The following PSPH variants were observed in gnomAD, a reference collection of about 807,000 sequenced individuals.
The protein encoded by PSPH is phosphoserine phosphatase.
In PSPH, 16 loss-of-function variants were observed where a neutral mutation model predicts 23.4. That is an observed-to-expected ratio of 0.68 (90% confidence interval 0.46 to 1.04). The LOEUF (loss-of-function observed/expected upper bound fraction) is 1.04. Ranked by LOEUF, PSPH falls within the 50% of genes least tolerant of loss-of-function variation. The pLI, the probability that PSPH is intolerant of heterozygous loss-of-function variation, is 0.00. For missense variants in PSPH, 223 were observed against 273.7 expected (o/e 0.81, Z 1.31); for synonymous variants, 68 against 99.7 (o/e 0.68, Z 1.89).
intron 3 of PSPH, among the ~76,000 whole-genome samples, chr7:56,026,767 C>T (rs1790245768): frequency 6.6e-6 from 1 of 152,130 alleles, no homozygotes; most frequent in South Asian, 2.1e-4. Context: ...GGTCTATCAG[C>T]AGAGTAGCAG....
Position 56,013,122 on chromosome 7 carries a change from C to CAT in PSPH, c.571-1254_571-1253insAT, listed in dbSNP as rs762645934. Among the ~76,000 whole-genome samples the CAT allele has an allele frequency of 1.2e-4, 16 of 136,460 alleles. No individual in the cohort carries two copies. In the East Asian group the frequency reaches 1.5e-3, roughly 13 times the overall value. 89.5% of individuals were successfully genotyped at this position (136,460 alleles called of 152,430 possible). On this transcript the variant is annotated intron_variant, in intron 7 of 7. Transcript: ENST00000275605. ...ACATATGTGTGTATATATTTATATA[C>CAT]ACACACATATATATACGTATATGTG... is the stretch of plus-strand genomic sequence containing the variant.
intron 3 of PSPH, among the ~76,000 whole-genome samples, chr7:56,025,152 A>G (rs887569356): frequency 3.3e-5 from 5 of 152,074 alleles, no homozygotes; most frequent in Admixed American, 2.0e-4. Flanking sequence ...TACATAATTT[A>G]TGCCCATCAC....
At chr7:56,034,396 A>C (rs1231081970) in intron 1 of PSPH, among the ~76,000 whole-genome samples, 2 of 152,214 alleles carry the variant, frequency 1.3e-5, no homozygotes, top group African/African-American at 2.4e-5. Flanking sequence ...GAGGGAAGCA[A>C]GGGACTGCTG....
Position 56,011,674 on chromosome 7 carries a change from G to A in PSPH, c.*88C>T. ...TTGTACCAACTTTCTATAGCAAGTT[G>A]TAATAGGCAACTGTAAGCAAACAGT... On this transcript the variant is annotated 3_prime_UTR_variant, in exon 8 of 8. Transcript: ENST00000275605. The A allele has an allele frequency of 9.9e-7, 1 of 1,010,266 alleles. No individual in the cohort carries two copies. Among genetic ancestry groups the A allele is most frequent in the Non-Finnish European group, 1.6e-6 (1 of 643,614 alleles). 62.6% of individuals were successfully genotyped at this position (1,010,266 alleles called of 1,614,324 possible).
chr7:56,018,358 C>CA (rs57817279), intron 5 of PSPH, among the ~76,000 whole-genome samples: 76 of 149,954 alleles, frequency 5.1e-4, no homozygotes, highest in Non-Finnish European at 7.0e-4. Context: ...ACAACAACAA[C>CA]AAAAAAAAAA....
intron 3 of PSPH, among the ~76,000 whole-genome samples, chr7:56,024,992 T>C (rs1490804546): frequency 6.6e-6 from 1 of 151,404 alleles, no homozygotes; most frequent in African/African-American, 2.4e-5. Context: ...TTAGTAGAGA[T>C]GGGGTTTCAC....
chr7:56,049,943 C>T (rs1228313220), intron 1 of PSPH, among the ~76,000 whole-genome samples: 2 of 151,904 alleles, frequency 1.3e-5, no homozygotes, highest in Non-Finnish European at 2.9e-5. Context: ...ACCATGTTGG[C>T]CAGGATGGTC....
intron 5 of PSPH, among the ~76,000 whole-genome samples, chr7:56,018,489 A>G (rs1788889604): frequency 6.6e-6 from 1 of 152,156 alleles, no homozygotes; most frequent in East Asian, 1.9e-4. Flanking sequence ...GAGAAAGAGG[A>G]AAGGCAGAAA....
Position 56,039,517 on chromosome 7 carries a change from C to T in PSPH, c.-291-5411G>A, listed in dbSNP as rs573402502. Among the ~76,000 whole-genome samples, 580 of 152,212 alleles carry T rather than the reference C, an allele frequency of 3.8e-3. 9 individuals are homozygous for T. The highest frequency in any genetic ancestry group is 0.013 in the African/African-American group (551 of 41,560). ...TGCTGGCCGGGCACGGTGGCTCACA[C>T]CTGTAATCCCAGCACTTTGGGAGGC... On this transcript the variant is annotated intron_variant, in intron 1 of 7. Transcript: ENST00000275605.
chr7:56,040,982 A>G (rs1017155302), intron 1 of PSPH, among the ~76,000 whole-genome samples: 2 of 152,100 alleles, frequency 1.3e-5, no homozygotes, highest in Admixed American at 6.6e-5. Context: ...TCTTATGGGC[A>G]GAGTTAAGGT....
rs190718949 is a variant in PSPH, at chr7:56,049,068, C to T, written c.-292+2070G>A. Among the ~76,000 whole-genome samples the T allele has an allele frequency of 9.9e-5, 15 of 152,026 alleles. 1 individual carries two copies. The highest frequency in any genetic ancestry group is 2.4e-4 in the African/African-American group (10 of 41,474). On this transcript the variant is annotated intron_variant, in intron 1 of 7. Transcript: ENST00000275605. ...CCCAGTAGCTGGAACTACACGCACC[C>T]GCCACCATGCCCAGCTAATTTTTTT...
At position 56,015,089 on chromosome 7, in the gene PSPH, T is replaced by G. The variant is rs764079935; in HGVS notation, c.504A>C (p.Lys168Asn). ...KGKVIKLLKE[K>N]FHFKKIIMIG... ...TCATGATTATTTTCTTAAAATGAAA[T>G]TTTTCCTTTAAAAGTTTAATCACTT... Residue 168 changes from lysine to asparagine, a missense_variant, in exon 7 of 8, where the codon AAA (lysine) becomes AAC (asparagine). Coordinates refer to ENST00000275605, the MANE Select transcript of PSPH (RefSeq NM_004577.4). 6.2e-7 allele frequency: 1 copy of G among 1,614,080 alleles called. No homozygotes were observed. The highest frequency in any genetic ancestry group is 8.5e-7 in the Non-Finnish European group (1 of 1,179,980).
intron 5 of PSPH, among the ~76,000 whole-genome samples, chr7:56,017,844 T>C (rs1788786840): frequency 6.6e-6 from 1 of 151,250 alleles, no homozygotes. Flanking sequence ...TGTGTCAGCC[T>C]CCCGAGTAGC....
chr7:56,026,432 C>T (rs1423079548), intron 3 of PSPH, among the ~76,000 whole-genome samples: 2 of 146,732 alleles, frequency 1.4e-5, no homozygotes, highest in African/African-American at 2.5e-5. Context: ...TGCAGTAAGC[C>T]GAGATTGCAC....
chr7:56,047,459 A>G (rs1793400721), intron 1 of PSPH, among the ~76,000 whole-genome samples: 1 of 152,086 alleles, frequency 6.6e-6, no homozygotes, highest in Non-Finnish European at 1.5e-5. Context: ...GAACAGTCAC[A>G]TATTTTCCCA....
chr7:56,034,885 T>A (rs1791528396), intron 1 of PSPH, among the ~76,000 whole-genome samples: 1 of 151,356 alleles, frequency 6.6e-6, no homozygotes, highest in South Asian at 2.1e-4. Flanking sequence ...ACCTTACTTT[T>A]ATTTTTAATT....
chr7:56,021,719 C>T lies in PSPH; in HGVS notation c.-19-488G>A, dbSNP rs1298987119. ...ATCCCAGGACTTTGGGAGGCTGAGG[C>T]GGGCGGATCACGAGGTCAGGAGATC... On this transcript the variant is annotated intron_variant, in intron 3 of 7. Transcript: ENST00000275605. 1.3e-4 allele frequency among the ~76,000 whole-genome samples: 19 copies of T among 150,864 alleles called. No homozygotes were observed. The East Asian group carries it at 2.1e-3, about 17-fold the overall frequency.
chr7:56,046,892 A>G (rs1001837033), intron 1 of PSPH, among the ~76,000 whole-genome samples: 2 of 152,138 alleles, frequency 1.3e-5, no homozygotes, highest in African/African-American at 4.8e-5. Flanking sequence ...TGAGTGGGCA[A>G]GCCTGCTCTT....
At chr7:56,022,830 G>C (rs554997505) in intron 3 of PSPH, among the ~76,000 whole-genome samples, 1 of 152,178 alleles carries the variant, frequency 6.6e-6, no homozygotes, top group Non-Finnish European at 1.5e-5. Flanking sequence ...AGGCTGAGGC[G>C]GGAGCATCAC....
Sources: allele counts gnomAD v4.1 joint callset (sites outside exome capture counted in the v4.1 genomes callset), GRCh38; gene constraint gnomAD v4.1.1; transcripts MANE v1.5; gene names NCBI Gene and HGNC (gene_info 2026-07-23, HGNC 2026-07-21).